The following GALNT18 variants were observed in gnomAD, a reference collection of about 807,000 sequenced individuals.
GALNT18 encodes the protein GalNAc-transferase 18.
In GALNT18, 44 loss-of-function variants were observed where a neutral mutation model predicts 69.5. The observed-to-expected ratio is 0.63, with a 90% CI of 0.50 to 0.81. GALNT18 has a LOEUF of 0.81. Ranked by LOEUF, GALNT18 falls within the 40% of genes least tolerant of loss-of-function variation. GALNT18 has a pLI of 0.00. For missense variants in GALNT18, 715 were observed against 810.0 expected, an observed-to-expected ratio of 0.88 and a Z score of 1.42; for synonymous variants, 364 against 318.2, an observed-to-expected ratio of 1.14 and a Z score of -1.53.
intron 1 of GALNT18, among the ~76,000 whole-genome samples, chr11:11,506,715 A>G (rs1294390713): frequency 2.6e-5 from 4 of 152,208 alleles, no homozygotes; most frequent in Non-Finnish European, 5.9e-5. Context: ...AACTCTGAAG[A>G]CTATGCTGCT....
chr11:11,414,645 C>T (rs1221191414), intron 3 of GALNT18, among the ~76,000 whole-genome samples: 1 of 152,090 alleles, frequency 6.6e-6, no homozygotes, highest in Non-Finnish European at 1.5e-5. Context: ...TTATTATGGC[C>T]TGTAATAATT....
In GALNT18 at chr11:11,610,862, CCTT is replaced by C. The variant is rs538429181; in HGVS notation, c.235+10494_235+10496del. Among the ~76,000 whole-genome samples, 11 of 152,298 alleles carry C rather than the reference CCTT, an allele frequency of 7.2e-5. No homozygotes were observed. In the East Asian group the frequency reaches 2.1e-3, roughly 29 times the overall value. On this transcript the variant is annotated intron_variant, in intron 1 of 10. Coordinates refer to ENST00000227756, the MANE Select transcript of GALNT18 (RefSeq NM_198516.3). ...CAAGACCCTCCCTTCCTCTGCAGCT[CCTT>C]CTCTCCCATCAGGGAAATATGATGA... is the stretch of plus-strand genomic sequence containing the variant.
At chr11:11,271,918 C>T (rs1348969009) in intron 10 of GALNT18, among the ~76,000 whole-genome samples, 2 of 152,206 alleles carry the variant, frequency 1.3e-5, no homozygotes, top group African/African-American at 4.8e-5. Flanking sequence ...AGCCCTATAG[C>T]AGCAAATAGG....
At position 11,353,877 on chromosome 11, in the gene GALNT18, G is replaced by T. The variant is rs75394453; in HGVS notation, c.1093-12873C>A. On this transcript the variant is annotated intron_variant, in intron 6 of 10. Transcript: ENST00000227756. The stretch of plus-strand genomic sequence containing the variant: ...TGGATGTGTCATTGAGATGGGGTTG[G>T]TGGGAGGCAATGTGGCCAAGCCTGG... Among the ~76,000 whole-genome samples, 1,411 of 152,290 alleles carry T rather than the reference G, an allele frequency of 9.3e-3. 11 individuals carry two copies. The highest frequency in any genetic ancestry group is 0.017 in the Middle Eastern group (5 of 294).
rs535986321 is a variant in GALNT18 at position 11,387,854 on chromosome 11, G to A, written c.596-8590C>T. ...GGCAGCTGGGATCCCGGAGAGCTCC[G>A]GGCAGCATTGCTGCGTGTATTCCTC... is the stretch of plus-strand genomic sequence containing the variant. On this transcript the variant is annotated intron_variant, in intron 3 of 10. Transcript: ENST00000227756. The surrounding 1 kb of genome is among the most constrained non-coding windows in gnomAD (Gnocchi z 4.6). Among the ~76,000 whole-genome samples, 10 of 152,278 alleles carry A rather than the reference G, an allele frequency of 6.6e-5. No individual in the cohort carries two copies. The highest frequency in any genetic ancestry group is 1.9e-4 in the African/African-American group (8 of 41,554).
At chr11:11,353,207 G>C in intron 6 of GALNT18, 1 of 1,520,192 alleles carries the variant, frequency 6.6e-7, no homozygotes. Flanking sequence ...GTAAGACCTT[G>C]TTTCAGACCT....
chr11:11,560,043 G>C (rs552604534), intron 1 of GALNT18, among the ~76,000 whole-genome samples: 2 of 149,920 alleles, frequency 1.3e-5, no homozygotes, highest in African/African-American at 2.5e-5. Flanking sequence ...GATAGGATGG[G>C]ATGGGATGGG....
intron 10 of GALNT18, among the ~76,000 whole-genome samples, chr11:11,284,904 TCGTG>T (rs1849160768): frequency 8.2e-6 from 1 of 122,070 alleles, no homozygotes; most frequent in African/African-American, 3.1e-5. Flanking sequence ...GTAAAGACTT[TCGTG>T]TTTTTTTTTT....
At chr11:11,486,804 C>A (rs902013651) in intron 1 of GALNT18, among the ~76,000 whole-genome samples, 3 of 152,214 alleles carry the variant, frequency 2.0e-5, no homozygotes, top group African/African-American at 7.2e-5. Context: ...TCCAAGCTGA[C>A]GGCTCCTCCC....
rs77765711 is a variant in GALNT18 at position 11,307,031 on chromosome 11, C to T, written c.1513-13838G>A. On this transcript the variant is annotated intron_variant, in intron 9 of 10. Coordinates refer to ENST00000227756, the MANE Select transcript of GALNT18 (RefSeq NM_198516.3). ...ACACACATGGCCCAGAAGCCTCTCA[C>T]TCCAGCCGACTGTCAGCCAGTCTCC... Among the ~76,000 whole-genome samples the T allele has an allele frequency of 1.9e-3, 284 of 152,334 alleles. 2 individuals are homozygous for T. The highest frequency in any genetic ancestry group is 3.5e-3 in the Non-Finnish European group (240 of 68,028).
At chr11:11,392,607 G>A (rs147997049) in intron 3 of GALNT18, among the ~76,000 whole-genome samples, 26 of 152,202 alleles carry the variant, frequency 1.7e-4, no homozygotes, top group Non-Finnish European at 2.9e-4. Flanking sequence ...CGACAAAAGC[G>A]AAACTCCTTC....
At position 11,461,606 on chromosome 11, in the gene GALNT18, G is replaced by A. The variant is rs928480018; in HGVS notation, c.236-12670C>T. Reference sequence around the variant, plus strand: ...AGCTGACAGCCCGGAGCTGACACCCGGACTTCTAAATATACACTACACTGT... The same window carrying A: ...AGCTGACAGCCCGGAGCTGACACCCAGACTTCTAAATATACACTACACTGT... On this transcript the variant is annotated intron_variant, in intron 1 of 10. Transcript: ENST00000227756. This position sits in a 1 kb window ranked among gnomAD's most constrained non-coding sequence, Gnocchi z 4.1. Among the ~76,000 whole-genome samples, 31 of 152,054 alleles carry A rather than the reference G, an allele frequency of 2.0e-4. No individual in the cohort carries two copies. The highest frequency in any genetic ancestry group is 8.8e-5 in the Non-Finnish European group (6 of 68,010).
intron 2 of GALNT18, among the ~76,000 whole-genome samples, chr11:11,434,381 G>C (rs1855350716): frequency 6.6e-6 from 1 of 152,164 alleles, no homozygotes. Context: ...TCTTCCACTA[G>C]GCAGGTAGTG....
At chr11:11,335,706 G>A (rs1850099674) in intron 7 of GALNT18, among the ~76,000 whole-genome samples, 1 of 152,160 alleles carries the variant, frequency 6.6e-6, no homozygotes, top group Admixed American at 6.6e-5. Flanking sequence ...TAAAATGACT[G>A]ATATCTTTAT....
At chr11:11,354,588 T>C (rs1050376496) in intron 6 of GALNT18, among the ~76,000 whole-genome samples, 3 of 152,218 alleles carry the variant, frequency 2.0e-5, no homozygotes, top group African/African-American at 4.8e-5. Context: ...AGAGACAGTT[T>C]ATTTCATCAC....
intron 1 of GALNT18, among the ~76,000 whole-genome samples, chr11:11,518,009 T>C (rs1857319250): frequency 6.6e-6 from 1 of 152,230 alleles, no homozygotes; most frequent in African/African-American, 2.4e-5. Context: ...CTGGCCTGGT[T>C]AAAACGTTCT....
intron 1 of GALNT18, among the ~76,000 whole-genome samples, chr11:11,507,824 T>C (rs1470871745): frequency 6.6e-6 from 1 of 152,192 alleles, no homozygotes; most frequent in Non-Finnish European, 1.5e-5. Context: ...TCTAATCAGC[T>C]GCCAGTGTGG....
intron 1 of GALNT18, among the ~76,000 whole-genome samples, chr11:11,593,323 G>A (rs1341945067): frequency 6.6e-6 from 1 of 152,060 alleles, no homozygotes; most frequent in Non-Finnish European, 1.5e-5. Context: ...TGCGGACCCT[G>A]GAATAGAGGG....
chr11:11,605,046 C>T lies in GALNT18; in HGVS notation c.235+16313G>A, dbSNP rs7928454. Among the ~76,000 whole-genome samples the T allele has an allele frequency of 0.72, 109,172 of 152,090 alleles. 40,165 individuals carry two copies. The highest frequency in any genetic ancestry group is 0.92 in the East Asian group (4,742 of 5,178). The stretch of plus-strand genomic sequence containing the variant: ...CCACGCTACTGCCTAAATGACTCTT[C>T]TCAAATTGAAAATATCAGAGAATAA... On this transcript the variant is annotated intron_variant, in intron 1 of 10. Transcript: ENST00000227756. The surrounding 1 kb of genome is among the most constrained non-coding windows in gnomAD (Gnocchi z 4.7).
Sources: allele counts gnomAD v4.1 joint callset (sites outside exome capture counted in the v4.1 genomes callset), GRCh38; gene constraint gnomAD v4.1.1; non-coding constraint Gnocchi (gnomAD v3.1); transcripts MANE v1.5; gene names NCBI Gene and HGNC (gene_info 2026-07-23, HGNC 2026-07-21).